The following SPTAN1 variants were observed in gnomAD, a reference collection of about 807,000 sequenced individuals.
The protein encoded by SPTAN1 is spectrin alpha chain, non-erythrocytic 1.
Under a neutral mutation model 331.3 loss-of-function variants are expected in SPTAN1, and 61 were observed. That is an observed-to-expected ratio of 0.18 (90% confidence interval 0.15 to 0.23). The LOEUF is 0.23. Among genes scored for constraint, SPTAN1 ranks in the 10% least tolerant of loss-of-function variants. The pLI is 1.00. For synonymous variants in SPTAN1, 1,153 were observed against 1,173.9 expected, an observed-to-expected ratio of 0.98 and a Z score of 0.36; for missense variants, 2,043 against 3,147.9, an observed-to-expected ratio of 0.65 and a Z score of 8.40.
intron 41 of SPTAN1, among the ~76,000 whole-genome samples, chr9:128,616,425 G>A (rs62586289): frequency 1 from 150,954 of 151,418 alleles, 75,248 homozygotes; most frequent in Middle Eastern, 1. Flanking sequence ...GCGCCTGGTC[G>A]GAAGGCTTTA....
At chr9:128,591,705 G>T in intron 22 of SPTAN1, 80 bp downstream of exon 22, 2 of 1,572,962 alleles carry the variant, frequency 1.3e-6, no homozygotes, top group Non-Finnish European at 8.7e-7. Context: ...GCTTAGGCGT[G>T]TCCTGAGGCT....
intron 15 of SPTAN1, 52 bp downstream of exon 15, chr9:128,583,333 C>A (rs1291418072): frequency 3.2e-6 from 5 of 1,560,518 alleles, no homozygotes; most frequent in Non-Finnish European, 3.5e-6. Flanking sequence ...AACTAAATAC[C>A]CCTTTCTATT....
In SPTAN1 at chr9:128,633,230, G is replaced by A. The variant is rs147149360; in HGVS notation, c.7330G>A (p.Asp2444Asn). 46 of 1,613,936 alleles carry A rather than the reference G, an allele frequency of 2.9e-5. No homozygotes were observed. Among genetic ancestry groups the A allele is most frequent in the East Asian group, 8.9e-5 (4 of 44,878 alleles). ...LYQNLTREQA[D>N]YCVSHMKPYV... Reference sequence around the variant, plus strand: ...ACAGAACCTGACCCGGGAACAAGCCGACTACTGCGTCTCCCACATGAAGCC... The same window carrying A: ...ACAGAACCTGACCCGGGAACAAGCCAACTACTGCGTCTCCCACATGAAGCC... The change falls in exon 57 of 57, where the codon GAC (aspartate) becomes AAC (asparagine). Residue 2444 changes from aspartate (D) to asparagine (N), a missense_variant. Asp to Asn is a conservative substitution (Grantham distance 23, BLOSUM62 1). Coordinates refer to ENST00000372739, the MANE Select transcript of SPTAN1 (RefSeq NM_001130438.3).
intron 1 of SPTAN1, among the ~76,000 whole-genome samples, chr9:128,564,495 A>G (rs768426829): frequency 8.5e-5 from 13 of 152,078 alleles, no homozygotes; most frequent in Non-Finnish European, 1.9e-4. Flanking sequence ...AGGTGGAAGC[A>G]TCACTTGAAC....
rs587784436 is a variant in SPTAN1, at chr9:128,593,020, C to T, written c.3193C>T (p.Arg1065Cys). The T allele has an allele frequency of 4.3e-6, 7 of 1,610,220 alleles. No individual in the cohort carries two copies. Among genetic ancestry groups the T allele is most frequent in the Admixed American group, 1.7e-5 (1 of 59,558 alleles). ...TAAGGAGGCCGGCAGTGTATCTCTG[C>T]GTATGAAGCAGGTGGAAGAACTGTG... ...ITKEAGSVSLRMKQVEELYHS... is the reference protein window; with the variant it reads ...ITKEAGSVSLCMKQVEELYHS... The change falls in exon 23 of 57, where the codon CGT becomes TGT. Residue 1065 changes from arginine (R) to cysteine (C), a missense_variant. By Grantham distance (180) the Arg-to-Cys change is radical. Coordinates refer to ENST00000372739, the MANE Select transcript of SPTAN1 (RefSeq NM_001130438.3).
At position 128,577,721 on chromosome 9, in the gene SPTAN1, A is replaced by G. The variant is rs1001903813; in HGVS notation, c.1085+215A>G. 3.9e-5 allele frequency among the ~76,000 whole-genome samples: 6 copies of G among 152,266 alleles called. No homozygotes were observed. The East Asian group carries it at 7.7e-4, about 20-fold the overall frequency. ...TATTTACAACTTCATAAATTCTTCTATTCTGCATCACTGCATTATGATTGA... is the reference window on the plus strand; with the variant it reads ...TATTTACAACTTCATAAATTCTTCTGTTCTGCATCACTGCATTATGATTGA... On this transcript the variant is annotated intron_variant, in intron 8 of 56. Transcript: ENST00000372739. The surrounding 1 kb of genome is among the most constrained non-coding windows in gnomAD (Gnocchi z 4.2).
At chr9:128,614,215 G>A (rs1856867949) in intron 40 of SPTAN1, among the ~76,000 whole-genome samples, 3 of 152,112 alleles carry the variant, frequency 2.0e-5, no homozygotes, top group Non-Finnish European at 4.4e-5. Flanking sequence ...AGCACTTTGG[G>A]AGGCCGAGGC....
At chr9:128,555,504 A>T in intron 1 of SPTAN1, 1 of 878,566 alleles carries the variant, frequency 1.1e-6, no homozygotes, top group Non-Finnish European at 1.6e-6. Context: ...AGAAAGGGGG[A>T]AAAAAACCCT....
chr9:128,622,096 C>CT (rs1023212192), intron 45 of SPTAN1: 2 of 152,394 alleles, frequency 1.3e-5, no homozygotes, highest in African/African-American at 2.4e-5. Flanking sequence ...ATCCACTTCA[C>CT]TGGAGAGCTT....
chr9:128,623,420 C>G (rs1206223994), intron 45 of SPTAN1, among the ~76,000 whole-genome samples: 1 of 151,452 alleles, frequency 6.6e-6, no homozygotes, highest in Non-Finnish European at 1.5e-5. Flanking sequence ...AAAAATAATA[C>G]TAATGAATAT....
intron 1 of SPTAN1, among the ~76,000 whole-genome samples, chr9:128,562,992 GTATATATATA>G (rs1168781290): frequency 5.8e-3 from 18 of 3,122 alleles, no homozygotes; most frequent in Admixed American, 6.4e-3. Context: ...ACATGTATGT[GTATATATATA>G]TATATATATA....
At chr9:128,611,673 A>T in intron 37 of SPTAN1, 41 bp from the exon 38 acceptor site, 1 of 1,611,176 alleles carries the variant, frequency 6.2e-7, no homozygotes, top group Non-Finnish European at 8.5e-7. Flanking sequence ...GACATAACCT[A>T]GCAGGAACTG....
At chr9:128,610,992 T>A (rs989159280) in intron 37 of SPTAN1, among the ~76,000 whole-genome samples, 2 of 152,248 alleles carry the variant, frequency 1.3e-5, no homozygotes, top group African/African-American at 4.8e-5. Flanking sequence ...CTGCTTTAGA[T>A]AATGAAATGT....
In SPTAN1 at chr9:128,627,305, C is replaced by T; in HGVS notation, c.6577-81C>T. On this transcript the variant is annotated intron_variant, in intron 49 of 56. Coordinates refer to ENST00000372739, the MANE Select transcript of SPTAN1 (RefSeq NM_001130438.3). This position sits in a 1 kb window ranked among gnomAD's most constrained non-coding sequence, Gnocchi z 4.9. ...GAGGTTCCTTGTGGGGAGGCCACCACCACCCTGAGCCCATCTGTGAAGGAG... is the reference window on the plus strand; with the variant it reads ...GAGGTTCCTTGTGGGGAGGCCACCATCACCCTGAGCCCATCTGTGAAGGAG... 7.6e-7 allele frequency: 1 copy of T among 1,319,208 alleles called. No homozygotes were observed. Among genetic ancestry groups the T allele is most frequent in the East Asian group, 2.5e-5 (1 of 39,618 alleles). 81.7% of individuals were successfully genotyped at this position (1,319,208 alleles called of 1,614,324 possible).
chr9:128,566,277 G>A (rs1270750326), intron 1 of SPTAN1, among the ~76,000 whole-genome samples: 1 of 151,972 alleles, frequency 6.6e-6, no homozygotes, highest in African/African-American at 2.4e-5. Context: ...AGCTGCTCTC[G>A]AACTCCTGGA....
intron 3 of SPTAN1, among the ~76,000 whole-genome samples, chr9:128,571,569 G>A (rs1354882638): frequency 6.6e-6 from 1 of 152,110 alleles, no homozygotes; most frequent in Non-Finnish European, 1.5e-5. Context: ...TGGGCAACAA[G>A]AGCGAAATTC....
rs1064794959 is a variant in SPTAN1, at chr9:128,627,373, CT to C, written c.6577-10del. On this transcript the variant is annotated splice_polypyrimidine_tract_variant and intron_variant, in intron 49 of 56. Transcript: ENST00000372739. The surrounding 1 kb of genome is among the most constrained non-coding windows in gnomAD (Gnocchi z 4.9). ...ACAGCAGCGCACAGCATCTGCCCCC[CT>C]TTGGCCCTCAGGAGAGGGAGCTGGA... 6 of 1,550,490 alleles carry C rather than the reference CT, an allele frequency of 3.9e-6. No homozygotes were observed. Among genetic ancestry groups the C allele is most frequent in the Non-Finnish European group, 5.2e-6 (6 of 1,146,524 alleles).
chr9:128,558,979 G>A (rs1313221784), intron 1 of SPTAN1, among the ~76,000 whole-genome samples: 1 of 151,940 alleles, frequency 6.6e-6, no homozygotes, highest in Non-Finnish European at 1.5e-5. Context: ...CTCCCTGTCA[G>A]GTTAAGAGGG....
chr9:128,566,588 G>T, intron 1 of SPTAN1, 150 bp from the exon 2 acceptor site: 1 of 1,180,684 alleles, frequency 8.5e-7, no homozygotes, highest in Non-Finnish European at 1.2e-6. Flanking sequence ...TAGGATCTGG[G>T]CTTCATTGTT....
Sources: gnomAD v4.1 joint callset for allele counts (sites outside exome capture counted in the v4.1 genomes callset) on GRCh38, gnomAD v4.1.1 for gene constraint, Gnocchi (gnomAD v3.1) non-coding constraint, MANE v1.5 for transcripts, NCBI Gene and HGNC (gene_info 2026-07-23, HGNC 2026-07-21) for gene names.